Variants in LRFN2 observed in about 807,000 individuals in gnomAD.
LRFN2 encodes leucine rich repeat and fibronectin type III domain containing 2, also known as leucine-rich repeat and fibronectin type-III domain-containing protein 2.
Under a neutral mutation model 37.3 loss-of-function variants are expected in LRFN2, and 18 were observed. The observed-to-expected ratio is 0.48, with a 90% CI of 0.33 to 0.72. The LOEUF (loss-of-function observed/expected upper bound fraction) is 0.72. LRFN2 is among the 30% of genes least tolerant of loss of function. The pLI, the probability that LRFN2 is intolerant of heterozygous loss-of-function variation, is 0.02. For missense variants in LRFN2, 1,006 were observed against 1,060.7 expected (o/e 0.95, Z 0.72); for synonymous variants, 556 against 466.6 (o/e 1.19, Z -2.47).
chr6:40,410,317 G>C (rs570034185), intron 2 of LRFN2, among the ~76,000 whole-genome samples: 1 of 152,246 alleles, frequency 6.6e-6, no homozygotes, highest in African/African-American at 2.4e-5. Context: ...AACATCACTG[G>C]AAGAGGGGTG....
At position 40,419,157 on chromosome 6, in the gene LRFN2, C is replaced by T. The variant is rs117396437; in HGVS notation, c.1400+12557G>A. Among the ~76,000 whole-genome samples the T allele has an allele frequency of 4.3e-4, 66 of 152,308 alleles. 2 individuals carry two copies. The East Asian group carries it at 0.011, about 26-fold the overall frequency. On this transcript the variant is annotated intron_variant, in intron 2 of 2. Coordinates refer to ENST00000338305, the MANE Select transcript of LRFN2 (RefSeq NM_020737.3). ...GCTTTCTGCCAGGAAAGTCAAGTGT[C>T]GCAAATTATTGGTCCTGTTTCTTTA...
intron 1 of LRFN2, among the ~76,000 whole-genome samples, chr6:40,457,672 AAGG>A (rs1764264429): frequency 6.6e-6 from 1 of 151,104 alleles, no homozygotes; most frequent in Non-Finnish European, 1.5e-5. Flanking sequence ...GAGGGAGAGA[AAGG>A]AGATGATAAA....
intron 1 of LRFN2, among the ~76,000 whole-genome samples, chr6:40,441,285 T>C (rs1581708021): frequency 1.3e-5 from 2 of 151,340 alleles, no homozygotes; most frequent in African/African-American, 4.9e-5. Context: ...ATGGATGGGG[T>C]GAGGGGTGTG....
At chr6:40,575,487 C>A (rs1767261786) in intron 1 of LRFN2, among the ~76,000 whole-genome samples, 1 of 152,210 alleles carries the variant, frequency 6.6e-6, no homozygotes, top group African/African-American at 2.4e-5. Context: ...TCTGCGCCTG[C>A]CCTTCTGCCC....
At chr6:40,439,158 A>ATATC (rs1380583830) in intron 1 of LRFN2, among the ~76,000 whole-genome samples, 1 of 152,110 alleles carries the variant, frequency 6.6e-6, no homozygotes, top group Non-Finnish European at 1.5e-5. Context: ...GATATATGTG[A>ATATC]TATCTCTGTA....
chr6:40,472,944 G>A (rs183442857), intron 1 of LRFN2, among the ~76,000 whole-genome samples: 30 of 152,162 alleles, frequency 2.0e-4, no homozygotes, highest in Admixed American at 7.8e-4. Context: ...GGCTGCATCC[G>A]TCAGGAGCTC....
At chr6:40,541,195 G>T (rs1372399361) in intron 1 of LRFN2, among the ~76,000 whole-genome samples, 1 of 152,158 alleles carries the variant, frequency 6.6e-6, no homozygotes, top group African/African-American at 2.4e-5. Context: ...GTGAGTGGTC[G>T]CTTCCAGCTG....
chr6:40,585,898 G>A (rs1767493313), intron 1 of LRFN2, among the ~76,000 whole-genome samples: 1 of 151,966 alleles, frequency 6.6e-6, no homozygotes, highest in South Asian at 2.1e-4. Context: ...CAGGGGAGGG[G>A]GTCATCATCT....
chr6:40,579,907 C>A (rs952340098), intron 1 of LRFN2, among the ~76,000 whole-genome samples: 1 of 152,038 alleles, frequency 6.6e-6, no homozygotes, highest in African/African-American at 2.4e-5. Flanking sequence ...GCCATCAAGT[C>A]GTGAAAGGGA....
chr6:40,444,632 C>T (rs1389206993), intron 1 of LRFN2, among the ~76,000 whole-genome samples: 4 of 152,172 alleles, frequency 2.6e-5, no homozygotes, highest in Non-Finnish European at 5.9e-5. Context: ...CCTGCACTGA[C>T]CCTGCCTTGA....
chr6:40,539,566 A>C (rs950047417), intron 1 of LRFN2, among the ~76,000 whole-genome samples: 2 of 152,198 alleles, frequency 1.3e-5, no homozygotes, highest in African/African-American at 2.4e-5. Flanking sequence ...GCAGACAAGA[A>C]AACAGAATCT....
At chr6:40,409,476 T>C (rs1397296719) in intron 2 of LRFN2, among the ~76,000 whole-genome samples, 2 of 152,306 alleles carry the variant, frequency 1.3e-5, no homozygotes, top group Non-Finnish European at 2.9e-5. Flanking sequence ...TGAGAGTATG[T>C]TTATGCAATA....
At chr6:40,544,070 G>A (rs1561902141) in intron 1 of LRFN2, among the ~76,000 whole-genome samples, 1 of 152,174 alleles carries the variant, frequency 6.6e-6, no homozygotes. Flanking sequence ...TTCTCACCAG[G>A]GCACAATTAG....
chr6:40,531,436 G>A (rs1766338883), intron 1 of LRFN2, among the ~76,000 whole-genome samples: 2 of 152,122 alleles, frequency 1.3e-5, no homozygotes, highest in Non-Finnish European at 2.9e-5. Flanking sequence ...TCTTGCCGGG[G>A]CATATGTTTA....
intron 1 of LRFN2, among the ~76,000 whole-genome samples, chr6:40,567,076 C>G (rs1164890499): frequency 5.7e-5 from 7 of 123,530 alleles, no homozygotes; most frequent in Admixed American, 7.7e-5. Flanking sequence ...GATGAGGAAA[C>G]AGTTTTAAAG....
chr6:40,492,650 C>A (rs1409032482), intron 1 of LRFN2, among the ~76,000 whole-genome samples: 1 of 152,192 alleles, frequency 6.6e-6, no homozygotes, highest in African/African-American at 2.4e-5. Context: ...AGGACTGCAA[C>A]AGCCCTGTTC....
chr6:40,560,567 C>T (rs1185125257), intron 1 of LRFN2, among the ~76,000 whole-genome samples: 1 of 152,204 alleles, frequency 6.6e-6, no homozygotes, highest in South Asian at 2.1e-4. Flanking sequence ...GGAGGCAAAG[C>T]TTCTCTTACT....
intron 2 of LRFN2, among the ~76,000 whole-genome samples, chr6:40,403,405 A>G (rs1192580553): frequency 1.3e-5 from 2 of 152,144 alleles, no homozygotes; most frequent in Non-Finnish European, 2.9e-5. Flanking sequence ...CTGATCTTCC[A>G]GTTGGGGCCA....
intron 1 of LRFN2, among the ~76,000 whole-genome samples, chr6:40,553,735 AC>A (rs1453798382): frequency 6.6e-6 from 1 of 152,220 alleles, no homozygotes; most frequent in African/African-American, 2.4e-5. Flanking sequence ...GATGAAATAC[AC>A]TTATCCATTA....
Sources: gnomAD v4.1 joint callset for allele counts (sites outside exome capture counted in the v4.1 genomes callset) on GRCh38, gnomAD v4.1.1 for gene constraint, MANE v1.5 for transcripts, NCBI Gene and HGNC (gene_info 2026-07-23, HGNC 2026-07-21) for gene names.